The following DDI2 variants were observed in gnomAD, a reference collection of about 807,000 sequenced individuals.
DDI2 encodes DDI proteasomal shuttling factor 2, also known as protein DDI1 homolog 2.
DDI2 carries 5 observed loss-of-function variants against 48.1 expected under a neutral mutation model. The observed-to-expected ratio is 0.10, with a 90% CI of 0.05 to 0.22. The LOEUF (loss-of-function observed/expected upper bound fraction) is 0.22. DDI2 is among the 10% of genes least tolerant of loss of function. DDI2 has a pLI of 1.00. For missense variants in DDI2, 285 were observed against 506.2 expected, an observed-to-expected ratio of 0.56 and a Z score of 4.19; for synonymous variants, 205 against 183.6, an observed-to-expected ratio of 1.12 and a Z score of -0.94.
intron 6 of DDI2, among the ~76,000 whole-genome samples, chr1:15,646,555 C>T (rs541917831): frequency 4.0e-4 from 61 of 152,104 alleles, no homozygotes; most frequent in African/African-American, 1.3e-3. Flanking sequence ...GGCGTGGTGG[C>T]GGGTGCCTGT....
At chr1:15,649,603 A>G (rs1479678602) in intron 6 of DDI2, 117 bp from the exon 7 acceptor site, 8 of 902,072 alleles carry the variant, frequency 8.9e-6, no homozygotes, top group Non-Finnish European at 1.3e-5. Flanking sequence ...CCCGGGAGGC[A>G]GAGGTTGCCA....
At chr1:15,619,662 C>G (rs1639625505) in intron 1 of DDI2, among the ~76,000 whole-genome samples, 1 of 150,548 alleles carries the variant, frequency 6.6e-6, no homozygotes, top group South Asian at 2.1e-4. Context: ...GGGGTTTCAC[C>G]ATGTTAGCCA....
At chr1:15,624,017 T>C (rs986518007) in intron 1 of DDI2, among the ~76,000 whole-genome samples, 10 of 152,162 alleles carry the variant, frequency 6.6e-5, no homozygotes, top group Non-Finnish European at 1.3e-4. Context: ...ATCCCGCCAC[T>C]GCACCCCAGC....
At position 15,661,205 on chromosome 1, in the gene DDI2, T is replaced by G; in HGVS notation, c.*1415T>G. 6.2e-7 allele frequency: 1 copy of G among 1,614,126 alleles called. No homozygotes were observed. The highest frequency in any genetic ancestry group is 1.1e-5 in the South Asian group (1 of 91,084). Reference sequence around the variant, plus strand: ...AGAGAAGCTGTAGAAAATGTAAACTTCAGGAGTCTAGGTGATGGCCTGTCA... The same window carrying G: ...AGAGAAGCTGTAGAAAATGTAAACTGCAGGAGTCTAGGTGATGGCCTGTCA... On this transcript the variant is annotated 3_prime_UTR_variant, in exon 10 of 10. Transcript: ENST00000480945.
intron 4 of DDI2, among the ~76,000 whole-genome samples, chr1:15,636,129 C>T (rs966281442): frequency 2.0e-5 from 3 of 152,098 alleles, no homozygotes; most frequent in Admixed American, 2.0e-4. Context: ...GAGCAGGAGT[C>T]AGCAGAGTTT....
At chr1:15,618,541 A>G (rs552954479) in intron 1 of DDI2, among the ~76,000 whole-genome samples, 10 of 152,338 alleles carry the variant, frequency 6.6e-5, no homozygotes, top group African/African-American at 2.4e-4. Context: ...GGGTCAGTTC[A>G]AAGCTCAATG....
intron 3 of DDI2, 120 bp from the exon 4 acceptor site, chr1:15,633,319 T>C: frequency 1.7e-6 from 2 of 1,155,340 alleles, no homozygotes; most frequent in South Asian, 1.5e-5. Context: ...TTAAATAAGC[T>C]TTAGGCATCC....
intron 8 of DDI2, among the ~76,000 whole-genome samples, 163 bp downstream of exon 8, chr1:15,652,058 CTTTTTTTTT>C (rs772990709): frequency 2.6e-5 from 2 of 75,962 alleles, no homozygotes; most frequent in Non-Finnish European, 4.5e-5. Flanking sequence ...TTTGATCTTC[CTTTTTTTTT>C]TTTTTTTTTT....
intron 3 of DDI2, among the ~76,000 whole-genome samples, chr1:15,631,216 G>A (rs1639839005): frequency 6.7e-6 from 1 of 148,314 alleles, no homozygotes; most frequent in African/African-American, 2.5e-5. Context: ...GCCAGCTGAT[G>A]CCAGGAAGGT....
intron 1 of DDI2, among the ~76,000 whole-genome samples, chr1:15,619,367 C>G (rs1412132634): frequency 2.0e-5 from 3 of 152,088 alleles, no homozygotes; most frequent in African/African-American, 7.2e-5. Context: ...CTCTAGTGAT[C>G]TGCCCGCCTC....
intron 2 of DDI2, among the ~76,000 whole-genome samples, chr1:15,627,381 A>G (rs1639774829): frequency 6.6e-6 from 1 of 152,226 alleles, no homozygotes; most frequent in Non-Finnish European, 1.5e-5. Flanking sequence ...TGCTTTTTCC[A>G]TTATGCTGAA....
chr1:15,667,762 A>G lies in DDI2; in HGVS notation c.*7972A>G, dbSNP rs1640477551. 6.6e-6 allele frequency: 1 copy of G among 152,198 alleles called. No homozygotes were observed. Among genetic ancestry groups the G allele is most frequent in the Admixed American group, 6.5e-5 (1 of 15,284 alleles). 9.4% of individuals were successfully genotyped at this position (152,198 alleles called of 1,614,324 possible). On this transcript the variant is annotated 3_prime_UTR_variant, in exon 10 of 10. Transcript: ENST00000480945. The stretch of plus-strand genomic sequence containing the variant: ...CAGGTAGAATTTCTGGATCGTAACT[A>G]CTAGTGACTTCTGAGGTTTACAGTT...
In DDI2 at chr1:15,617,508, G is replaced by C. The variant is rs1197284738; in HGVS notation, c.-163G>C. 2.3e-6 allele frequency: 1 copy of C among 443,746 alleles called. No individual in the cohort carries two copies. The allele number at this position is 443,746 out of a possible 1,614,324, so 27.5% of individuals were successfully genotyped here. On this transcript the variant is annotated 5_prime_UTR_variant, in exon 1 of 10. Coordinates refer to ENST00000480945, the MANE Select transcript of DDI2 (RefSeq NM_032341.5). Reference sequence around the variant, plus strand: ...CGGCCGTGCTTGCTAGTGAGGGCGGGAGGGAGTGACTCACTGAGCGTGTGT... The same window carrying C: ...CGGCCGTGCTTGCTAGTGAGGGCGGCAGGGAGTGACTCACTGAGCGTGTGT...
chr1:15,632,653 A>T (rs1639863542), intron 3 of DDI2, among the ~76,000 whole-genome samples: 2 of 152,228 alleles, frequency 1.3e-5, no homozygotes, highest in Admixed American at 1.3e-4. Flanking sequence ...ATATAGGTAG[A>T]CTAAAAATAG....
chr1:15,621,453 C>A (rs1421365383), intron 1 of DDI2, among the ~76,000 whole-genome samples: 1 of 152,048 alleles, frequency 6.6e-6, no homozygotes, highest in Non-Finnish European at 1.5e-5. Context: ...AGTGCGCTCA[C>A]AGGTCACTGT....
intron 6 of DDI2, among the ~76,000 whole-genome samples, chr1:15,648,474 T>C (rs1018666629): frequency 6.6e-6 from 1 of 152,238 alleles, no homozygotes; most frequent in African/African-American, 2.4e-5. Context: ...GTAGATTTTT[T>C]GTGAGACTGG....
intron 5 of DDI2, among the ~76,000 whole-genome samples, chr1:15,641,448 G>T (rs1438244350): frequency 6.6e-6 from 1 of 151,720 alleles, no homozygotes; most frequent in East Asian, 1.9e-4. Context: ...CTCCAGCCTG[G>T]GCAACAGAGC....
Position 15,668,482 on chromosome 1 carries a change from G to C in DDI2, c.*8692G>C, listed in dbSNP as rs1296393161. The C allele has an allele frequency of 6.6e-6, 1 of 152,136 alleles. No homozygotes were observed. Among genetic ancestry groups the C allele is most frequent in the Non-Finnish European group, 1.5e-5 (1 of 68,034 alleles). 9.4% of individuals were successfully genotyped at this position (152,136 alleles called of 1,614,324 possible). ...TCGCTTTGTATCTACAACAGAAATT[G>C]ATTTGTTCATTTTTATTTCAAATCT... is the stretch of plus-strand genomic sequence containing the variant. On this transcript the variant is annotated 3_prime_UTR_variant, in exon 10 of 10. Coordinates refer to ENST00000480945, the MANE Select transcript of DDI2 (RefSeq NM_032341.5).
At chr1:15,633,315 A>C in intron 3 of DDI2, 124 bp from the exon 4 acceptor site, 1 of 1,089,000 alleles carries the variant, frequency 9.2e-7, no homozygotes, top group Non-Finnish European at 1.3e-6. Context: ...CATTTTAAAT[A>C]AGCTTTAGGC....
Sources: allele counts gnomAD v4.1 joint callset (sites outside exome capture counted in the v4.1 genomes callset), GRCh38; gene constraint gnomAD v4.1.1; transcripts MANE v1.5; gene names NCBI Gene and HGNC (gene_info 2026-07-23, HGNC 2026-07-21).